Variants in KIAA1217 observed in about 807,000 individuals in gnomAD.
The protein encoded by KIAA1217 is sickle tail protein homolog.
KIAA1217 carries 88 observed loss-of-function variants against 163.9 expected under a neutral mutation model. The observed-to-expected ratio is 0.54, with a 90% CI of 0.45 to 0.64. KIAA1217 has a LOEUF of 0.64. KIAA1217 is among the 30% of genes least tolerant of loss of function. KIAA1217 has a pLI of 0.00. For synonymous variants in KIAA1217, 903 were observed against 923.1 expected, an observed-to-expected ratio of 0.98 and a Z score of 0.39; for missense variants, 2,372 against 2,475.0, an observed-to-expected ratio of 0.96 and a Z score of 0.88.
intron 6 of KIAA1217, among the ~76,000 whole-genome samples, chr10:24,476,822 A>G (rs572768172): frequency 1.3e-5 from 2 of 152,142 alleles, no homozygotes; most frequent in East Asian, 3.9e-4. Context: ...ACACAGACAC[A>G]CAGAGACACA....
intron 1 of KIAA1217, among the ~76,000 whole-genome samples, chr10:23,864,040 T>G (rs1840068954): frequency 6.6e-6 from 1 of 151,872 alleles, no homozygotes; most frequent in Non-Finnish European, 1.5e-5. Flanking sequence ...CCATACATGA[T>G]TATTGAGTAC....
intron 5 of KIAA1217, among the ~76,000 whole-genome samples, chr10:24,441,749 G>C (rs993152264): frequency 6.6e-6 from 1 of 152,116 alleles, no homozygotes; most frequent in African/African-American, 2.4e-5. Flanking sequence ...CAGTTCCCAA[G>C]GGACTGAGCT....
At chr10:24,435,485 C>G (rs1353314696) in intron 4 of KIAA1217, among the ~76,000 whole-genome samples, 1 of 152,182 alleles carries the variant, frequency 6.6e-6, no homozygotes, top group Non-Finnish European at 1.5e-5. Context: ...TTGAAGGACA[C>G]AGTAATAGCA....
intron 2 of KIAA1217, among the ~76,000 whole-genome samples, chr10:24,103,743 T>A (rs2062509642): frequency 6.6e-6 from 1 of 152,084 alleles, no homozygotes. Flanking sequence ...CAACACCAAA[T>A]GCTGACAAGG....
At chr10:23,779,066 T>C (rs1011610173) in intron 1 of KIAA1217, among the ~76,000 whole-genome samples, 3 of 152,220 alleles carry the variant, frequency 2.0e-5, no homozygotes, top group Admixed American at 2.0e-4. Flanking sequence ...TTTCATTCAA[T>C]GTTTTTATAA....
intron 14 of KIAA1217, among the ~76,000 whole-genome samples, chr10:24,528,761 G>C (rs183352063): frequency 3.9e-4 from 60 of 152,134 alleles, no homozygotes; most frequent in African/African-American, 1.4e-3. Context: ...TTCACAGCAA[G>C]AGCTGGGAAA....
At chr10:23,963,906 T>C (rs930759875) in intron 1 of KIAA1217, among the ~76,000 whole-genome samples, 1 of 151,226 alleles carries the variant, frequency 6.6e-6, no homozygotes, top group Non-Finnish European at 1.5e-5. Context: ...TCTTTTTTTT[T>C]TTTTTTGAGA....
At chr10:24,239,495 C>CTTTTTTTTTTTTTT (rs34650424) in intron 2 of KIAA1217, among the ~76,000 whole-genome samples, 1 of 134,746 alleles carries the variant, frequency 7.4e-6, no homozygotes, top group Non-Finnish European at 1.6e-5. Flanking sequence ...TTTTTAAGGG[C>CTTTTTTTTTTTTTT]TTTTTTTTTT....
chr10:23,765,477 G>A (rs12250384), intron 1 of KIAA1217, among the ~76,000 whole-genome samples: 14,661 of 151,918 alleles, frequency 0.097, 2,276 homozygotes, highest in African/African-American at 0.33. Context: ...CCGGTCTTTT[G>A]TTCTCTTCTT....
intron 2 of KIAA1217, among the ~76,000 whole-genome samples, chr10:24,041,533 T>C: frequency 6.6e-6 from 1 of 152,186 alleles, no homozygotes; most frequent in East Asian, 1.9e-4. Flanking sequence ...CATATGCACA[T>C]ACACACATAC....
intron 1 of KIAA1217, among the ~76,000 whole-genome samples, chr10:23,889,630 G>T (rs967330338): frequency 2.6e-5 from 4 of 151,780 alleles, no homozygotes; most frequent in Non-Finnish European, 5.9e-5. Context: ...AAAGACTAAT[G>T]GTTTGCATTG....
In KIAA1217 at chr10:23,727,569, T is replaced by A. The variant is rs1441764289; in HGVS notation, c.-321+32335T>A. On this transcript the variant is annotated intron_variant, in intron 1 of 18. Coordinates refer to the KIAA1217 transcript ENST00000376462. ...AATGAGACTCTGTCTCAAAAAAATT[T>A]AAAAAAAAGTTGTTATGATGCACAT... Among the ~76,000 whole-genome samples the A allele has an allele frequency of 3.9e-5, 6 of 152,016 alleles. No homozygotes were observed. The South Asian group carries it at 6.2e-4, about 16-fold the overall frequency.
intron 1 of KIAA1217, among the ~76,000 whole-genome samples, chr10:24,209,519 C>T (rs2067802653): frequency 1.3e-5 from 2 of 152,170 alleles, no homozygotes; most frequent in Admixed American, 6.5e-5. Context: ...TGCAGTGAGC[C>T]ATCAGCATGA....
At chr10:23,838,474 C>CT (rs1048877042) in intron 1 of KIAA1217, among the ~76,000 whole-genome samples, 4 of 148,274 alleles carry the variant, frequency 2.7e-5, no homozygotes, top group Non-Finnish European at 6.0e-5. Flanking sequence ...TTTTTTTTTT[C>CT]TTTTTTTGTG....
At position 24,147,832 on chromosome 10, in the gene KIAA1217, C is replaced by CAAAAAAAAAAAAAAAAAAAAAAAAAAAA. The variant is rs1176106711; in HGVS notation, c.-170-71791_-170-71764dup. On this transcript the variant is annotated intron_variant, in intron 2 of 18. Transcript: ENST00000376462. ...TGGGCAACAAAGTGATACTCTGTCT[C>CAAAAAAAAAAAAAAAAAAAAAAAAAAAA]AAAAAAAAAAAAAAAAAAAAAAAAA... 1.1e-3 allele frequency among the ~76,000 whole-genome samples: 22 copies of CAAAAAAAAAAAAAAAAAAAAAAAAAAAA among 20,770 alleles called. 2 individuals are homozygous for CAAAAAAAAAAAAAAAAAAAAAAAAAAAA. The highest frequency in any genetic ancestry group is 2.6e-3 in the East Asian group (1 of 380). 13.6% of individuals were successfully genotyped at this position (20,770 alleles called of 152,430 possible).
At chr10:24,469,045 A>G (rs1046230733) in intron 5 of KIAA1217, among the ~76,000 whole-genome samples, 2 of 152,132 alleles carry the variant, frequency 1.3e-5, no homozygotes, top group African/African-American at 4.8e-5. Flanking sequence ...ATTTAAATAA[A>G]TTTTACATTT....
chr10:23,695,475 G>T lies in KIAA1217; in HGVS notation c.-321+241G>T, dbSNP rs1250912890. Among the ~76,000 whole-genome samples the T allele has an allele frequency of 1.3e-5, 2 of 152,186 alleles. No individual in the cohort carries two copies. The highest frequency in any genetic ancestry group is 2.4e-5 in the African/African-American group (1 of 41,454). On this transcript the variant is annotated intron_variant, in intron 1 of 18. Transcript: ENST00000376462. The surrounding 1 kb of genome is among the most constrained non-coding windows in gnomAD (Gnocchi z 4.9). The stretch of plus-strand genomic sequence containing the variant: ...GACCCCCAACTGGGAGGAGGGACTG[G>T]AGAGGAACCGGACCCCGGGGATCTC...
At chr10:24,136,503 G>C (rs79527607) in intron 2 of KIAA1217, among the ~76,000 whole-genome samples, 3,036 of 152,048 alleles carry the variant, frequency 0.02, 96 homozygotes, top group African/African-American at 0.069. Flanking sequence ...AAATATGAAG[G>C]CTACTTTAAA....
At chr10:24,508,348 C>T (rs1335651354) in intron 9 of KIAA1217, among the ~76,000 whole-genome samples, 2 of 152,100 alleles carry the variant, frequency 1.3e-5, no homozygotes, top group Non-Finnish European at 2.9e-5. Flanking sequence ...GCTTCCTTAC[C>T]TTGATAAACA....
Sources: gnomAD v4.1 joint callset for allele counts (sites outside exome capture counted in the v4.1 genomes callset) on GRCh38, gnomAD v4.1.1 for gene constraint, Gnocchi (gnomAD v3.1) non-coding constraint, MANE v1.5 for transcripts, NCBI Gene and HGNC (gene_info 2026-07-23, HGNC 2026-07-21) for gene names.